The following DGKB variants were observed in gnomAD, a reference collection of about 807,000 sequenced individuals.
The protein encoded by DGKB is diacylglycerol kinase beta.
A neutral mutation model predicts 114.3 loss-of-function variants in DGKB; 67 were observed. That is an observed-to-expected ratio of 0.59 (90% CI 0.48 to 0.72). The LOEUF (loss-of-function observed/expected upper bound fraction) is 0.72, where lower values mean the gene tolerates loss of function less well. DGKB is among the 30% of genes least tolerant of loss of function. The pLI is 0.00. For missense variants in DGKB, 907 were observed against 975.2 expected (o/e 0.93, Z 0.93); for synonymous variants, 398 against 323.1 (o/e 1.23, Z -2.49).
intron 20 of DGKB, among the ~76,000 whole-genome samples, chr7:14,501,316 G>T (rs1267590874): frequency 6.6e-6 from 1 of 151,844 alleles, no homozygotes; most frequent in Non-Finnish European, 1.5e-5. Flanking sequence ...TCCCAAAGTA[G>T]CATCTCAAGT....
chr7:14,499,412 ATGGG>A (rs891174672), intron 20 of DGKB, among the ~76,000 whole-genome samples: 10 of 141,568 alleles, frequency 7.1e-5, no homozygotes, highest in Non-Finnish European at 1.5e-4. Context: ...CAAAAGAAAT[ATGGG>A]TGAGTATTTG....
At chr7:14,802,771 A>C (rs918454901) in intron 2 of DGKB, among the ~76,000 whole-genome samples, 1 of 152,162 alleles carries the variant, frequency 6.6e-6, no homozygotes, top group African/African-American at 2.4e-5. Flanking sequence ...CTGCACCTAC[A>C]TTCCTCTTAC....
chr7:14,461,064 C>T (rs556576646), intron 21 of DGKB, among the ~76,000 whole-genome samples: 4 of 152,072 alleles, frequency 2.6e-5, no homozygotes, highest in Non-Finnish European at 5.9e-5. Flanking sequence ...AGAACAAAGA[C>T]ACAATGTACC....
chr7:14,335,900 T>C (rs750454054), intron 23 of DGKB, among the ~76,000 whole-genome samples: 3 of 152,130 alleles, frequency 2.0e-5, no homozygotes, highest in Non-Finnish European at 4.4e-5. Flanking sequence ...ACTGTAGGCC[T>C]GTGCCACCCA....
intron 1 of DGKB, among the ~76,000 whole-genome samples, chr7:14,858,707 C>A (rs745419677): frequency 2.0e-5 from 3 of 152,028 alleles, no homozygotes; most frequent in Admixed American, 1.3e-4. Flanking sequence ...GAAAGATCAA[C>A]CAGATCAGCA....
intron 21 of DGKB, among the ~76,000 whole-genome samples, chr7:14,417,040 C>T (rs1271157862): frequency 6.6e-6 from 1 of 151,978 alleles, no homozygotes; most frequent in East Asian, 1.9e-4. Context: ...TATAAAGATA[C>T]ACATATTTAA....
intron 20 of DGKB, among the ~76,000 whole-genome samples, chr7:14,562,300 A>G (rs956009811): frequency 1.3e-5 from 2 of 152,216 alleles, no homozygotes; most frequent in African/African-American, 4.8e-5. Flanking sequence ...GACCTCATGT[A>G]GAACCTCTGC....
chr7:14,961,231 T>C (rs1013815479), intron 1 of DGKB, among the ~76,000 whole-genome samples: 6 of 152,174 alleles, frequency 3.9e-5, no homozygotes, highest in African/African-American at 1.2e-4. Context: ...CTTGTGTGCA[T>C]GAAGCTTAGC....
At chr7:14,811,812 A>AAATTGTATTATTT (rs1415053970) in intron 2 of DGKB, among the ~76,000 whole-genome samples, 6 of 84,586 alleles carry the variant, frequency 7.1e-5, no homozygotes, top group African/African-American at 1.5e-4. Context: ...ACACACACAC[A>AAATTGTATTATTT]CAACCATTTT....
At chr7:14,613,248 G>T in intron 16 of DGKB, 92 bp downstream of exon 16, 1 of 677,292 alleles carries the variant, frequency 1.5e-6, no homozygotes, top group East Asian at 2.8e-5. Context: ...TAGCAGAGAG[G>T]AATAATTGTT....
At chr7:14,697,378 T>C (rs1268300801) in intron 8 of DGKB, among the ~76,000 whole-genome samples, 1 of 152,252 alleles carries the variant, frequency 6.6e-6, no homozygotes, top group African/African-American at 2.4e-5. Context: ...CAAGGTAACA[T>C]GATGCACTGT....
At chr7:14,369,921 C>A (rs1167514721) in intron 21 of DGKB, among the ~76,000 whole-genome samples, 2 of 152,120 alleles carry the variant, frequency 1.3e-5, no homozygotes, top group African/African-American at 4.8e-5. Context: ...ATTATAGTTT[C>A]TTTTGCTGTG....
intron 20 of DGKB, 114 bp downstream of exon 20, chr7:14,574,098 G>T: frequency 1.3e-6 from 1 of 783,514 alleles, no homozygotes; most frequent in Non-Finnish European, 2.0e-6. Context: ...ATGTTTTGAT[G>T]GCACAAAAGG....
chr7:14,510,563 G>A (rs917421022), intron 20 of DGKB, among the ~76,000 whole-genome samples: 1 of 151,988 alleles, frequency 6.6e-6, no homozygotes, highest in African/African-American at 2.4e-5. Context: ...GAGCCCCTCA[G>A]AGTCATACAT....
chr7:14,702,360 A>C (rs374452828), intron 6 of DGKB, among the ~76,000 whole-genome samples: 16 of 152,310 alleles, frequency 1.1e-4, no homozygotes, highest in African/African-American at 3.4e-4. Context: ...TTTCTGATGG[A>C]GGAAGCCAGC....
intron 25 of DGKB, among the ~76,000 whole-genome samples, chr7:14,166,945 CATGCAGGTA>C (rs1270036268): frequency 6.6e-6 from 1 of 152,148 alleles, no homozygotes; most frequent in African/African-American, 2.4e-5. Flanking sequence ...GTGGGTGGCT[CATGCAGGTA>C]ATCCTACCAC....
intron 20 of DGKB, among the ~76,000 whole-genome samples, chr7:14,572,064 G>A (rs1190746576): frequency 1.3e-5 from 2 of 152,036 alleles, no homozygotes; most frequent in Non-Finnish European, 2.9e-5. Context: ...AACAAACAAG[G>A]TCTCTGATGG....
intron 1 of DGKB, among the ~76,000 whole-genome samples, chr7:14,933,921 T>C (rs1785156187): frequency 6.6e-6 from 1 of 152,170 alleles, no homozygotes; most frequent in Non-Finnish European, 1.5e-5. Context: ...CCAAGAATCA[T>C]GAAAGCTTGT....
chr7:14,288,169 C>T (rs1166024228), intron 23 of DGKB, among the ~76,000 whole-genome samples: 1 of 147,382 alleles, frequency 6.8e-6, no homozygotes, highest in East Asian at 2.0e-4. Context: ...CTTTGAACTA[C>T]CTGAACTGAT....
Sources: allele counts gnomAD v4.1 joint callset (sites outside exome capture counted in the v4.1 genomes callset), GRCh38; gene constraint gnomAD v4.1.1; transcripts MANE v1.5; gene names NCBI Gene and HGNC (gene_info 2026-07-23, HGNC 2026-07-21).